The following TBCE variants were observed in gnomAD, a reference collection of about 807,000 sequenced individuals.
TBCE encodes tubulin-specific chaperone E.
TBCE carries 53 observed loss-of-function variants against 77.0 expected under a neutral mutation model. The observed-to-expected ratio is 0.69, with a 90% CI of 0.55 to 0.87. The LOEUF (loss-of-function observed/expected upper bound fraction) is 0.87, where lower values mean the gene tolerates loss of function less well. Ranked by LOEUF, TBCE falls within the 40% of genes least tolerant of loss-of-function variation. The pLI, the probability that TBCE is intolerant of heterozygous loss-of-function variation, is 0.00. For missense variants in TBCE, 624 were observed against 622.4 expected (o/e 1.00, Z -0.03); for synonymous variants, 235 against 241.3 (o/e 0.97, Z 0.24).
chr1:235,377,783 C>T (rs369691990), intron 1 of TBCE, among the ~76,000 whole-genome samples: 2 of 151,988 alleles, frequency 1.3e-5, no homozygotes, highest in East Asian at 3.9e-4. Flanking sequence ...TCCTGAGTAG[C>T]TGGGATTACA....
intron 16 of TBCE, 114 bp downstream of exon 16, chr1:235,448,554 T>C: frequency 1.4e-6 from 2 of 1,387,554 alleles, no homozygotes; most frequent in South Asian, 1.2e-5. Flanking sequence ...TGGGTCTGTT[T>C]GTTTGATTTT....
intron 1 of TBCE, among the ~76,000 whole-genome samples, chr1:235,373,428 AAAG>A (rs575355542): frequency 1.9e-3 from 288 of 152,070 alleles, no homozygotes; most frequent in African/African-American, 6.4e-3. Context: ...GACAGAAAAA[AAAG>A]AATGTAACGT....
chr1:235,433,147 A>G (rs1572424842), intron 7 of TBCE: 1 of 1,468,884 alleles, frequency 6.8e-7, no homozygotes, highest in Non-Finnish European at 9.0e-7. Context: ...AACCTGTGCT[A>G]TCTGCAGGAC....
At chr1:235,426,773 G>A (rs768876406) in intron 5 of TBCE, among the ~76,000 whole-genome samples, 6 of 152,180 alleles carry the variant, frequency 3.9e-5, no homozygotes, top group African/African-American at 1.2e-4. Context: ...AACCTCCTGA[G>A]TAGCTGGAAT....
At chr1:235,447,771 GAAAT>G (rs1334744369) in intron 15 of TBCE, among the ~76,000 whole-genome samples, 2 of 152,176 alleles carry the variant, frequency 1.3e-5, no homozygotes, top group Non-Finnish European at 2.9e-5. Context: ...GATTAAGAAA[GAAAT>G]ACACTACTGA....
chr1:235,415,091 A>G (rs1414162612), intron 4 of TBCE: 2 of 203,670 alleles, frequency 9.8e-6, no homozygotes, highest in South Asian at 8.5e-5. Flanking sequence ...CCTTGGTCCC[A>G]TCCCAGATCT....
intron 15 of TBCE, 164 bp downstream of exon 15, chr1:235,443,075 T>C: frequency 1.4e-6 from 1 of 720,200 alleles, no homozygotes; most frequent in South Asian, 1.8e-5. Context: ...CATGCTAATA[T>C]CACTCCCCCA....
chr1:235,426,915 G>A (rs762120622), intron 5 of TBCE, among the ~76,000 whole-genome samples: 1 of 152,158 alleles, frequency 6.6e-6, no homozygotes. Flanking sequence ...CAAAGTGCCG[G>A]GATTACAGGC....
At chr1:235,425,700 C>A (rs1016329356) in intron 5 of TBCE, among the ~76,000 whole-genome samples, 1 of 152,086 alleles carries the variant, frequency 6.6e-6, no homozygotes, top group East Asian at 1.9e-4. Context: ...GTTTCTAGTA[C>A]CCCCAAGCCC....
At chr1:235,448,543 A>G in intron 16 of TBCE, 103 bp downstream of exon 16, 5 of 1,392,592 alleles carry the variant, frequency 3.6e-6, no homozygotes, top group Non-Finnish European at 5.1e-6. Context: ...AATGGAGACC[A>G]TGGGTCTGTT....
Position 235,448,707 on chromosome 1 carries a change from A to G in TBCE, c.1529A>G (p.Lys510Arg). The change falls in exon 17 of 17, where the codon AAG (lysine) becomes AGG (arginine). Residue 510 changes from lysine (K) to arginine (R), a missense_variant. Transcript: ENST00000642610. ...GAAATCGAGCTGGAAAATGACCTAA[A>G]GTCATTACAGTTTTATTCTGTGGAA... is the stretch of plus-strand genomic sequence containing the variant. The part of the protein sequence containing the change: ...GREIELENDL[K>R]SLQFYSVENG... 6.2e-7 allele frequency: 1 copy of G among 1,614,118 alleles called. No homozygotes were observed. The highest frequency in any genetic ancestry group is 8.5e-7 in the Non-Finnish European group (1 of 1,179,992).
Position 235,388,985 on chromosome 1 carries a change from T to C in TBCE, c.100+8836T>C, listed in dbSNP as rs568484322. Among the ~76,000 whole-genome samples the C allele has an allele frequency of 1.2e-4, 18 of 152,254 alleles. No individual in the cohort carries two copies. The South Asian group carries it at 3.5e-3, about 30-fold the overall frequency. On this transcript the variant is annotated intron_variant, in intron 2 of 16. Transcript: ENST00000642610. The stretch of plus-strand genomic sequence containing the variant: ...ATCTGTCACTAGGTTCTGTTGACCC[T>C]AGGAAGGGGGTGTGCCCTTGGGCAA...
At chr1:235,435,608 G>C (rs1681398017) in intron 8 of TBCE, 137 bp from the exon 9 acceptor site, 2 of 743,078 alleles carry the variant, frequency 2.7e-6, no homozygotes, top group South Asian at 3.2e-5. Flanking sequence ...GACCACTCAG[G>C]TTGCCCCTTT....
chr1:235,368,509 A>T (rs1676700142), intron 1 of TBCE, among the ~76,000 whole-genome samples: 1 of 143,460 alleles, frequency 7.0e-6, no homozygotes, highest in Admixed American at 7.1e-5. Context: ...TGTTGTAAAC[A>T]GCATATCTCT....
At chr1:235,381,277 CAAACTT>C (rs1316084901) in intron 2 of TBCE, among the ~76,000 whole-genome samples, 2 of 152,142 alleles carry the variant, frequency 1.3e-5, no homozygotes, top group African/African-American at 4.8e-5. Context: ...ATTGAAGAAA[CAAACTT>C]AAAAACAACT....
chr1:235,431,636 G>C (rs10802708), intron 7 of TBCE, among the ~76,000 whole-genome samples: 110,714 of 151,816 alleles, frequency 0.73, 41,594 homozygotes, highest in African/African-American at 0.92. Context: ...GCTGGGATTA[G>C]AGGTGTAAGC....
intron 2 of TBCE, among the ~76,000 whole-genome samples, chr1:235,388,463 A>G (rs1678173855): frequency 6.6e-6 from 1 of 151,502 alleles, no homozygotes; most frequent in African/African-American, 2.4e-5. Flanking sequence ...TAATTTTTGT[A>G]TTTTTAGTAG....
At chr1:235,447,938 G>A (rs902895537) in intron 15 of TBCE, among the ~76,000 whole-genome samples, 16 of 151,820 alleles carry the variant, frequency 1.1e-4, no homozygotes, top group South Asian at 2.1e-4. Context: ...ACAGCCAGGC[G>A]CTGGGCTCAT....
At chr1:235,390,758 CAAAAA>C (rs35639285) in intron 2 of TBCE, among the ~76,000 whole-genome samples, 2 of 71,420 alleles carry the variant, frequency 2.8e-5, no homozygotes, top group African/African-American at 8.2e-5. Flanking sequence ...CGAAACGTCT[CAAAAA>C]AAAAAAAAAA....
Sources: gnomAD v4.1 joint callset for allele counts (sites outside exome capture counted in the v4.1 genomes callset) on GRCh38, gnomAD v4.1.1 for gene constraint, MANE v1.5 for transcripts, NCBI Gene and HGNC (gene_info 2026-07-23, HGNC 2026-07-21) for gene names.